KIR2DL1: variants seen among roughly 807,000 people sequenced by gnomAD.
KIR2DL1 encodes the protein killer cell immunoglobulin like receptor, two Ig domains and long cytoplasmic tail 1.
In KIR2DL1, 38 loss-of-function variants were observed where a neutral mutation model predicts 33.9. The ratio of observed to expected loss-of-function variants is 1.12; its 90% CI spans 0.86 to 1.47. The LOEUF (loss-of-function observed/expected upper bound fraction) is 1.47, where lower values mean the gene tolerates loss of function less well. KIR2DL1 is among the 40% of genes most tolerant of loss of function. KIR2DL1 has a pLI of 0.00. For synonymous variants in KIR2DL1, 179 were observed against 165.9 expected, an observed-to-expected ratio of 1.08 and a Z score of -0.61; for missense variants, 531 against 433.9, an observed-to-expected ratio of 1.22 and a Z score of -1.99.
chr19:54,779,809 G>T (rs2076756509), intron 5 of KIR2DL1, among the ~76,000 whole-genome samples: 1 of 146,528 alleles, frequency 6.8e-6, no homozygotes, highest in African/African-American at 2.5e-5. Context: ...ATTGCAGATG[G>T]TTAAATGGGA....
At chr19:54,778,159 T>G (rs2076558972) in intron 4 of KIR2DL1, among the ~76,000 whole-genome samples, 1 of 148,220 alleles carries the variant, frequency 6.7e-6, no homozygotes, top group Admixed American at 6.8e-5. Context: ...ACTCAGGAAT[T>G]TGAGGCAAGA....
intron 3 of KIR2DL1, among the ~76,000 whole-genome samples, chr19:54,774,055 G>C (rs925279548): frequency 3.4e-5 from 5 of 148,672 alleles, no homozygotes; most frequent in Non-Finnish European, 7.5e-5. Context: ...AGGCCTTGTG[G>C]CACCTACAGA....
rs1000067648 is a variant in KIR2DL1 at position 54,774,776 on chromosome 19, T to G, written c.371-389T>G. ...ATGATATATAGATATAGATGACAGG[T>G]AGAGAATTTGTAGATAGGCACCGAA... On this transcript the variant is annotated intron_variant, in intron 3 of 7. Coordinates refer to ENST00000336077, the MANE Select transcript of KIR2DL1 (RefSeq NM_014218.3). 3.4e-5 allele frequency among the ~76,000 whole-genome samples: 5 copies of G among 147,382 alleles called. 1 individual carries two copies. Among genetic ancestry groups the G allele is most frequent in the African/African-American group, 1.2e-4 (5 of 40,300 alleles).
At chr19:54,771,941 C>G (rs886438469) in intron 2 of KIR2DL1, among the ~76,000 whole-genome samples, 1 of 147,928 alleles carries the variant, frequency 6.8e-6, no homozygotes, top group African/African-American at 2.5e-5. Context: ...CTCCTGAATC[C>G]CAGAGCTCCT....
At position 54,782,907 on chromosome 19, in the gene KIR2DL1, C is replaced by T. The variant is rs1344563560; in HGVS notation, c.716-15C>T. On this transcript the variant is annotated splice_polypyrimidine_tract_variant and intron_variant, in intron 5 of 7. Coordinates refer to ENST00000336077, the MANE Select transcript of KIR2DL1 (RefSeq NM_014218.3). The stretch of plus-strand genomic sequence containing the variant: ...GCTAAGATTAGCTTCTTATTGGTGT[C>T]TCATCTTCTTCCAGGTAACCCCCGA... 1.2e-6 allele frequency: 2 copies of T among 1,610,426 alleles called. No individual in the cohort carries two copies. Among genetic ancestry groups the T allele is most frequent in the Non-Finnish European group, 8.5e-7 (1 of 1,177,110 alleles).
chr19:54,775,924 CT>C (rs1306484077), intron 4 of KIR2DL1, among the ~76,000 whole-genome samples: 1 of 146,318 alleles, frequency 6.8e-6, no homozygotes, highest in African/African-American at 2.5e-5. Context: ...TGGAGTCTAG[CT>C]CTGTCCCCTA....
At chr19:54,770,634 G>T (rs2075587733) in intron 1 of KIR2DL1, among the ~76,000 whole-genome samples, 1 of 148,068 alleles carries the variant, frequency 6.8e-6, no homozygotes, top group African/African-American at 2.5e-5. Flanking sequence ...ATATGGGCCT[G>T]GAGTGGAGAT....
intron 5 of KIR2DL1, 121 bp from the exon 6 acceptor site, chr19:54,782,801 A>G (rs546880430): frequency 9.5e-7 from 1 of 1,054,072 alleles, no homozygotes; most frequent in South Asian, 1.3e-5. Context: ...GTCTCCTGCC[A>G]TCTGGGTGCT....
intron 4 of KIR2DL1, among the ~76,000 whole-genome samples, chr19:54,777,073 G>A (rs1296521504): frequency 2.0e-5 from 3 of 151,812 alleles, no homozygotes; most frequent in East Asian, 3.9e-4. Flanking sequence ...CTGTCTTGCA[G>A]CTAAAAGCCA....
In KIR2DL1 at chr19:54,784,035, T is replaced by G. The variant is rs2077395776; in HGVS notation, c.*222T>G. 9 of 732,374 alleles carry G rather than the reference T, an allele frequency of 1.2e-5. No homozygotes were observed. Among genetic ancestry groups the G allele is most frequent in the Non-Finnish European group, 2.0e-5 (9 of 446,584 alleles). The allele number at this position is 732,374 out of a possible 1,614,324, so 45.4% of individuals were successfully genotyped here. A position where few individuals can be genotyped will look rare whatever the true frequency, so the allele number is the denominator to read the frequency against. ...TGGAGAAAAAACACACTCCTTTGCT[T>G]AACCCACAGTTCTCCATTTCACTTG... On this transcript the variant is annotated 3_prime_UTR_variant, in exon 8 of 8. Transcript: ENST00000336077.
chr19:54,770,796 G>A, intron 1 of KIR2DL1, 53 bp from the exon 2 acceptor site: 1 of 1,574,706 alleles, frequency 6.4e-7, no homozygotes, highest in Non-Finnish European at 8.7e-7. Flanking sequence ...GGGGCAGCAA[G>A]GGTGCCCTGG....
chr19:54,776,565 C>T (rs1350861598), intron 4 of KIR2DL1, among the ~76,000 whole-genome samples: 5 of 145,454 alleles, frequency 3.4e-5, no homozygotes, highest in Admixed American at 1.4e-4. Flanking sequence ...GATATCACTT[C>T]GATATGTTGA....
In KIR2DL1 at chr19:54,773,327, T is replaced by A; in HGVS notation, c.71-6T>A. 6.3e-7 allele frequency: 1 copy of A among 1,596,362 alleles called. No individual in the cohort carries two copies. The highest frequency in any genetic ancestry group is 8.6e-7 in the Non-Finnish European group (1 of 1,169,066). ...CACCTTCTAAACTCACAACCTCTCT[T>A]CCTAGGAGTCCACAGAAAACCTTCC... is the stretch of plus-strand genomic sequence containing the variant. On this transcript the variant is annotated splice_polypyrimidine_tract_variant and splice_region_variant and intron_variant, in intron 2 of 7. Transcript: ENST00000336077.
Position 54,775,464 on chromosome 19 carries a change from G to T in KIR2DL1, c.664+6G>T. On this transcript the variant is annotated splice_donor_region_variant and intron_variant, in intron 4 of 7. Transcript: ENST00000336077. The stretch of plus-strand genomic sequence containing the variant: ...ACTGCTTGTTTCTGTCACAGGTGAG[G>T]AAAGCCCATGGCTGTCCCATGTCCT... The T allele has an allele frequency of 1.3e-6, 2 of 1,582,172 alleles. No homozygotes were observed. Among genetic ancestry groups the T allele is most frequent in the Non-Finnish European group, 1.7e-6 (2 of 1,154,732 alleles).
chr19:54,770,649 G>T (rs1317771115), intron 1 of KIR2DL1, among the ~76,000 whole-genome samples, 200 bp from the exon 2 acceptor site: 1 of 148,218 alleles, frequency 6.7e-6, no homozygotes, highest in East Asian at 1.9e-4. Flanking sequence ...GGAGATATGG[G>T]CTTGAGGTGG....
intron 5 of KIR2DL1, among the ~76,000 whole-genome samples, chr19:54,779,225 C>A (rs1356975822): frequency 6.7e-6 from 1 of 148,204 alleles, no homozygotes; most frequent in African/African-American, 2.5e-5. Context: ...CAAATTTCCA[C>A]AAGATTCGTG....
Position 54,775,525 on chromosome 19 carries a change from G to A in KIR2DL1, c.664+67G>A, listed in dbSNP as rs1347125177. On this transcript the variant is annotated intron_variant, in intron 4 of 7. Coordinates refer to ENST00000336077, the MANE Select transcript of KIR2DL1 (RefSeq NM_014218.3). ...AGCCTTAGCTGAGGAGCTTCCTGCTGAGGATGGAGAGAAGCATGGACAGAT... is the reference window on the plus strand; with the variant it reads ...AGCCTTAGCTGAGGAGCTTCCTGCTAAGGATGGAGAGAAGCATGGACAGAT... 49 of 1,472,156 alleles carry A rather than the reference G, an allele frequency of 3.3e-5. No individual in the cohort carries two copies. The South Asian group carries it at 4.7e-4, about 14-fold the overall frequency. The allele number at this position is 1,472,156 out of a possible 1,614,324, so 91.2% of individuals were successfully genotyped here. A position where few individuals can be genotyped will look rare whatever the true frequency, so the allele number is the denominator to read the frequency against.
rs2076012685 is a variant in KIR2DL1 at position 54,773,612 on chromosome 19, C to T, written c.350C>T (p.Pro117Leu). 1 of 1,575,960 alleles carries T rather than the reference C, an allele frequency of 6.3e-7. No individual in the cohort carries two copies. Among genetic ancestry groups the T allele is most frequent in the African/African-American group, 1.4e-5 (1 of 73,790 alleles). Residue 117 changes from proline (P) to leucine (L), a missense_variant, in exon 3 of 8, where the codon CCT (proline) becomes CTT (leucine). Physicochemically the swap from Pro to Leu is moderately conservative, Grantham distance 98. Transcript: ENST00000336077. ...SPYQVSAPSD[P>L]LDIVIIGLYE... is the part of the protein sequence containing the mutation. ...TATCAGGTGTCAGCTCCCAGTGACCCTCTGGACATCGTGATCATAGGTGAG... is the reference window on the plus strand; with the variant it reads ...TATCAGGTGTCAGCTCCCAGTGACCTTCTGGACATCGTGATCATAGGTGAG...
At chr19:54,781,666 G>C (rs753079380) in intron 5 of KIR2DL1, among the ~76,000 whole-genome samples, 8 of 151,918 alleles carry the variant, frequency 5.3e-5, no homozygotes, top group Non-Finnish European at 1.0e-4. Context: ...CCAGCCTCTC[G>C]GGTAGAACAG....
Sources: gnomAD v4.1 joint callset for allele counts (sites outside exome capture counted in the v4.1 genomes callset) on GRCh38, gnomAD v4.1.1 for gene constraint, MANE v1.5 for transcripts, NCBI Gene and HGNC (gene_info 2026-07-23, HGNC 2026-07-21) for gene names.